Variants in WDR59 observed in about 807,000 individuals in gnomAD.
The protein encoded by WDR59 is GATOR2 complex protein WDR59.
Under a neutral mutation model 131.2 loss-of-function variants are expected in WDR59, and 100 were observed. The ratio of observed to expected loss-of-function variants is 0.76; its 90% confidence interval spans 0.65 to 0.90. The LOEUF (loss-of-function observed/expected upper bound fraction) is 0.90. WDR59 is among the 40% of genes least tolerant of loss of function. WDR59 has a pLI of 0.00. For synonymous variants in WDR59, 601 were observed against 466.2 expected, an observed-to-expected ratio of 1.29 and a Z score of -3.72; for missense variants, 1,203 against 1,262.2, an observed-to-expected ratio of 0.95 and a Z score of 0.71.
intron 8 of WDR59, among the ~76,000 whole-genome samples, chr16:74,927,094 A>G (rs1214661097): frequency 6.6e-6 from 1 of 152,198 alleles, no homozygotes; most frequent in Non-Finnish European, 1.5e-5. Flanking sequence ...AGGTTCTTCC[A>G]TTGAGTACGT....
intron 13 of WDR59, among the ~76,000 whole-genome samples, chr16:74,913,729 A>G (rs918801015): frequency 6.6e-6 from 1 of 152,208 alleles, no homozygotes; most frequent in Non-Finnish European, 1.5e-5. Context: ...GCTCCTGGGA[A>G]AATCCATAGG....
chr16:74,899,413 G>T (rs1048258205), intron 18 of WDR59, among the ~76,000 whole-genome samples: 2 of 152,114 alleles, frequency 1.3e-5, no homozygotes, highest in Non-Finnish European at 2.9e-5. Flanking sequence ...TAAGCTAACG[G>T]CTTACAATCA....
chr16:74,929,243 T>G (rs2031160371), intron 8 of WDR59, among the ~76,000 whole-genome samples: 1 of 152,102 alleles, frequency 6.6e-6, no homozygotes, highest in Admixed American at 6.6e-5. Flanking sequence ...CCCAGCTAAT[T>G]TTTTTGTATT....
intron 7 of WDR59, among the ~76,000 whole-genome samples, chr16:74,940,739 T>C (rs2032152223): frequency 6.6e-6 from 1 of 152,122 alleles, no homozygotes; most frequent in Non-Finnish European, 1.5e-5. Flanking sequence ...GGAGTCTTGC[T>C]CTGTCATCCA....
At chr16:74,890,676 A>G (rs577524643) in intron 20 of WDR59, among the ~76,000 whole-genome samples, 127 of 152,226 alleles carry the variant, frequency 8.3e-4, no homozygotes, top group South Asian at 6.4e-3. Context: ...TTGACACCAA[A>G]TCTGAGGAAT....
At chr16:74,896,352 A>T (rs61333776) in intron 18 of WDR59, among the ~76,000 whole-genome samples, 1 of 152,082 alleles carries the variant, frequency 6.6e-6, no homozygotes, top group African/African-American at 2.4e-5. Context: ...ACCATGGGCC[A>T]AGTGCAGTGG....
chr16:74,965,516 A>C (rs1319572747), intron 2 of WDR59, among the ~76,000 whole-genome samples: 1 of 152,172 alleles, frequency 6.6e-6, no homozygotes. Flanking sequence ...GTCTTGCAGT[A>C]AACAGAAAAC....
intron 18 of WDR59, chr16:74,899,674 G>T: frequency 7.8e-7 from 1 of 1,288,502 alleles, no homozygotes; most frequent in Non-Finnish European, 1.0e-6. Flanking sequence ...TAGTTAAGGA[G>T]AGCATTTGCA....
chr16:74,953,684 A>G (rs1406883716), intron 3 of WDR59, among the ~76,000 whole-genome samples: 1 of 152,092 alleles, frequency 6.6e-6, no homozygotes, highest in Non-Finnish European at 1.5e-5. Context: ...AACAGTAAAA[A>G]TGCAAACAAC....
At chr16:74,965,281 TG>T (rs1054315120) in intron 2 of WDR59, among the ~76,000 whole-genome samples, 3 of 136,916 alleles carry the variant, frequency 2.2e-5, no homozygotes, top group Admixed American at 7.5e-5. Flanking sequence ...TTAAAAATTT[TG>T]AGCCAGAAGA....
chr16:74,974,187 CAATT>C (rs2034096676), intron 1 of WDR59, among the ~76,000 whole-genome samples: 1 of 151,980 alleles, frequency 6.6e-6, no homozygotes, highest in African/African-American at 2.4e-5. Context: ...AGAAAAAAAT[CAATT>C]GATTAATTAA....
chr16:74,933,979 T>G (rs1363384939), intron 8 of WDR59, among the ~76,000 whole-genome samples: 1 of 152,248 alleles, frequency 6.6e-6, no homozygotes, highest in Non-Finnish European at 1.5e-5. Flanking sequence ...CTTTTCAGCT[T>G]AAACTACTTT....
chr16:74,937,669 T>C (rs1420162022), intron 8 of WDR59, among the ~76,000 whole-genome samples: 1 of 152,040 alleles, frequency 6.6e-6, no homozygotes, highest in African/African-American at 2.4e-5. Flanking sequence ...ACCCAGCTAA[T>C]TTTTGTATTT....
At chr16:74,890,842 C>G (rs537262438) in intron 20 of WDR59, among the ~76,000 whole-genome samples, 1 of 152,042 alleles carries the variant, frequency 6.6e-6, no homozygotes, top group Non-Finnish European at 1.5e-5. Flanking sequence ...TACGGCGGGC[C>G]CTGTGGCTCA....
intron 2 of WDR59, among the ~76,000 whole-genome samples, chr16:74,961,115 A>G (rs2033545158): frequency 6.6e-6 from 1 of 151,000 alleles, no homozygotes; most frequent in Admixed American, 6.7e-5. Flanking sequence ...AGATCAGCCT[A>G]GGCAACACAG....
intron 2 of WDR59, among the ~76,000 whole-genome samples, chr16:74,957,250 T>A (rs530371871): frequency 6.6e-6 from 1 of 152,012 alleles, no homozygotes; most frequent in South Asian, 2.1e-4. Context: ...CTAACTAATT[T>A]TTGCATTTTT....
At chr16:74,982,201 A>G (rs1205320420) in intron 1 of WDR59, among the ~76,000 whole-genome samples, 1 of 151,768 alleles carries the variant, frequency 6.6e-6, no homozygotes, top group African/African-American at 2.4e-5. Flanking sequence ...TATTGCTCCT[A>G]TTCATAAAGG....
At chr16:74,915,218 C>T (rs1420220141) in intron 13 of WDR59, among the ~76,000 whole-genome samples, 1 of 152,096 alleles carries the variant, frequency 6.6e-6, no homozygotes, top group Non-Finnish European at 1.5e-5. Context: ...CAACTCTGTC[C>T]CCAACTTCAG....
At chr16:74,931,117 T>C (rs1283124355) in intron 8 of WDR59, among the ~76,000 whole-genome samples, 1 of 152,160 alleles carries the variant, frequency 6.6e-6, no homozygotes, top group African/African-American at 2.4e-5. Context: ...AGTATAAACA[T>C]TGATTTTTAA....
Sources: gnomAD v4.1 joint callset for allele counts (sites outside exome capture counted in the v4.1 genomes callset) on GRCh38, gnomAD v4.1.1 for gene constraint, MANE v1.5 for transcripts, NCBI Gene and HGNC (gene_info 2026-07-23, HGNC 2026-07-21) for gene names.